The following POT1 variants were observed in gnomAD, a reference collection of about 807,000 sequenced individuals.
POT1 encodes the protein protection of telomeres 1.
Under a neutral mutation model 78.5 loss-of-function variants are expected in POT1, and 47 were observed. That is an observed-to-expected ratio of 0.60 (90% CI 0.47 to 0.76). POT1 has a LOEUF of 0.76. POT1 is among the 30% of genes least tolerant of loss of function. The pLI, the probability that POT1 is intolerant of heterozygous loss-of-function variation, is 0.00. For missense variants in POT1, 646 were observed against 749.9 expected (o/e 0.86, Z 1.62); for synonymous variants, 259 against 260.7 (o/e 0.99, Z 0.06).
intron 3 of POT1, among the ~76,000 whole-genome samples, chr7:124,915,026 A>C (rs918934617): frequency 2.0e-5 from 3 of 152,144 alleles, no homozygotes; most frequent in Admixed American, 2.0e-4. Flanking sequence ...TACTTTATGT[A>C]ATTATTCACT....
chr7:124,881,070 G>C (rs1030423324), intron 6 of POT1, among the ~76,000 whole-genome samples: 1 of 151,954 alleles, frequency 6.6e-6, no homozygotes, highest in African/African-American at 2.4e-5. Flanking sequence ...ATACAGTCAT[G>C]TACTGCTTAA....
chr7:124,855,758 G>A (rs1039427469), intron 9 of POT1, among the ~76,000 whole-genome samples: 1 of 151,262 alleles, frequency 6.6e-6, no homozygotes, highest in Non-Finnish European at 1.5e-5. Flanking sequence ...TGTCATAAAC[G>A]GTCAAGAATT....
At chr7:124,865,741 C>CTG (rs1795707119) in intron 7 of POT1, among the ~76,000 whole-genome samples, 1 of 151,636 alleles carries the variant, frequency 6.6e-6, no homozygotes. Flanking sequence ...GGATCTCGTT[C>CTG]TGTCACTCAG....
intron 3 of POT1, among the ~76,000 whole-genome samples, chr7:124,914,975 C>A (rs960488930): frequency 6.6e-6 from 1 of 152,074 alleles, no homozygotes; most frequent in African/African-American, 2.4e-5. Context: ...GCTCTACCAC[C>A]TTAACTTGCT....
intron 3 of POT1, among the ~76,000 whole-genome samples, chr7:124,908,774 G>A (rs1796824088): frequency 6.6e-6 from 1 of 151,780 alleles, no homozygotes; most frequent in Non-Finnish European, 1.5e-5. Context: ...CAAATGTTTG[G>A]ACAACTAAAT....
rs1397305271 is a variant in POT1 at position 124,892,361 on chromosome 7, A to G, written c.29T>C (p.Ile10Thr). The G allele has an allele frequency of 1.4e-6, 2 of 1,479,082 alleles. No homozygotes were observed. The highest frequency in any genetic ancestry group is 1.8e-6 in the Non-Finnish European group (2 of 1,118,344). 91.6% of individuals were successfully genotyped at this position (1,479,082 alleles called of 1,614,324 possible). MSLVPATNYIYTPLNQLKGG... is the reference protein window; with the variant it reads MSLVPATNYTYTPLNQLKGG... The stretch of plus-strand genomic sequence containing the variant: ...CTTAAGTTGATTCAGGGGTGTATAT[A>G]TATAATTTGTTGCTGGAACCTAAAG... Residue 10 changes from isoleucine (I) to threonine (T), a missense_variant, in exon 6 of 19, where the codon ATA (isoleucine) becomes ACA (threonine). Physicochemically the swap from Ile to Thr is moderately conservative, Grantham distance 89. Around this residue, in one of 2 missense-constraint regions of POT1, gnomAD observed 252 missense variants for 341.4 expected, o/e 0.74. Coordinates refer to ENST00000357628, the MANE Select transcript of POT1 (RefSeq NM_015450.3).
intron 11 of POT1, among the ~76,000 whole-genome samples, chr7:124,848,877 GA>G (rs35906339): frequency 1.3e-5 from 2 of 151,998 alleles, no homozygotes; most frequent in African/African-American, 4.8e-5. Flanking sequence ...GTAAACTTAT[GA>G]AATTTAATAG....
At chr7:124,824,909 T>C (rs183957564) in intron 18 of POT1, among the ~76,000 whole-genome samples, 126 of 152,132 alleles carry the variant, frequency 8.3e-4, no homozygotes, top group Middle Eastern at 6.8e-3. Context: ...ATAATTGGAG[T>C]TTGTTACAGA....
intron 3 of POT1, among the ~76,000 whole-genome samples, chr7:124,914,512 A>G (rs1156468605): frequency 2.0e-5 from 3 of 152,206 alleles, no homozygotes; most frequent in African/African-American, 7.2e-5. Flanking sequence ...CAAAAAAAGA[A>G]AAAAGAATAA....
intron 11 of POT1, among the ~76,000 whole-genome samples, chr7:124,849,814 A>G (rs1490288955): frequency 6.6e-6 from 1 of 152,158 alleles, no homozygotes; most frequent in Non-Finnish European, 1.5e-5. Context: ...AAAAAGATCT[A>G]TAATATATTG....
chr7:124,840,131 T>C (rs964476809), intron 14 of POT1, among the ~76,000 whole-genome samples: 4 of 151,970 alleles, frequency 2.6e-5, no homozygotes, highest in African/African-American at 9.7e-5. Context: ...CGTGGTACAT[T>C]TGTTAAAAAT....
chr7:124,878,350 G>A (rs1796039398), intron 6 of POT1, among the ~76,000 whole-genome samples: 1 of 151,600 alleles, frequency 6.6e-6, no homozygotes, highest in Non-Finnish European at 1.5e-5. Flanking sequence ...GGGGGTGGGG[G>A]GAAGAAGCTC....
Position 124,863,613 on chromosome 7 carries a change from CCT to C in POT1, c.281_282del (p.Gln94ArgfsTer13), listed in dbSNP as rs1397398300. ...LKIQVYKKET[Q>X]GITSSGFASL... The stretch of plus-strand genomic sequence containing the variant: ...GATGCAAAGCCAGAGCTGGTGATAC[CCT>C]GAGTCTCCTTTTTATATACTTGAAT... On this transcript the variant is annotated frameshift_variant, in exon 8 of 19. Transcript: ENST00000357628. LOFTEE classifies it high-confidence loss of function. 1.2e-6 allele frequency: 2 copies of C among 1,612,308 alleles called. No homozygotes were observed. Among genetic ancestry groups the C allele is most frequent in the East Asian group, 2.2e-5 (1 of 44,864 alleles).
At position 124,916,924 on chromosome 7, in the gene POT1, CTCTA is replaced by C. The variant is rs774196279; in HGVS notation, c.-226-1282_-226-1279del. 3.3e-5 allele frequency among the ~76,000 whole-genome samples: 5 copies of C among 152,116 alleles called. No homozygotes were observed. The South Asian group carries it at 8.3e-4, about 25-fold the overall frequency. On this transcript the variant is annotated intron_variant, in intron 2 of 18. Coordinates refer to ENST00000357628, the MANE Select transcript of POT1 (RefSeq NM_015450.3). ...TGGAAACTCTGCTTGGCTCTTTCTC[CTCTA>C]TCTTTCTTTCAGAACAAAGGACTTA...
At chr7:124,910,358 C>T (rs1465083838) in intron 3 of POT1, among the ~76,000 whole-genome samples, 3 of 151,964 alleles carry the variant, frequency 2.0e-5, no homozygotes, top group African/African-American at 4.8e-5. Flanking sequence ...GGTTTCTCTA[C>T]TTATTCTAAG....
intron 6 of POT1, among the ~76,000 whole-genome samples, chr7:124,883,674 T>A (rs1015545385): frequency 6.6e-6 from 1 of 152,032 alleles, no homozygotes; most frequent in Non-Finnish European, 1.5e-5. Flanking sequence ...GGGAGAAGCA[T>A]GAACCATAGA....
intron 3 of POT1, among the ~76,000 whole-genome samples, chr7:124,900,482 T>C (rs1486756280): frequency 6.6e-6 from 1 of 152,104 alleles, no homozygotes; most frequent in African/African-American, 2.4e-5. Flanking sequence ...CTTAATGCCT[T>C]TAAAGCCCTT....
chr7:124,917,578 A>G (rs1797044538), intron 2 of POT1, among the ~76,000 whole-genome samples: 1 of 152,192 alleles, frequency 6.6e-6, no homozygotes, highest in African/African-American at 2.4e-5. Context: ...AGCTTTGAAC[A>G]ATAACAACAT....
intron 11 of POT1, 107 bp from the exon 12 acceptor site, chr7:124,847,105 T>C (rs944821831): frequency 2.7e-5 from 19 of 695,160 alleles, no homozygotes; most frequent in Non-Finnish European, 4.8e-5. Context: ...AAATAAATGG[T>C]GAGATATGCC....
Sources: allele counts gnomAD v4.1 joint callset (sites outside exome capture counted in the v4.1 genomes callset), GRCh38; gene constraint gnomAD v4.1.1; regional missense constraint gnomAD v4.1.1; transcripts MANE v1.5; gene names NCBI Gene and HGNC (gene_info 2026-07-23, HGNC 2026-07-21).